PRELID2: variants seen among roughly 807,000 people sequenced by gnomAD.
The protein encoded by PRELID2 is PRELI domain containing 2.
A neutral mutation model predicts 28.4 loss-of-function variants in PRELID2; 25 were observed. The observed-to-expected ratio is 0.88, with a 90% CI of 0.64 to 1.23. The LOEUF (loss-of-function observed/expected upper bound fraction) is 1.23, where lower values mean the gene tolerates loss of function less well. PRELID2 is among the 50% of genes most tolerant of loss of function. The pLI, the probability that PRELID2 is intolerant of heterozygous loss-of-function variation, is 0.00. For synonymous variants in PRELID2, 76 were observed against 71.6 expected (o/e 1.06, Z -0.31); for missense variants, 201 against 214.4 (o/e 0.94, Z 0.39).
chr5:145,509,780 G>C (rs558291017), intron 1 of PRELID2, among the ~76,000 whole-genome samples: 1 of 152,246 alleles, frequency 6.6e-6, no homozygotes, highest in South Asian at 2.1e-4. Flanking sequence ...TTGAGGAAAT[G>C]GTTGCTCTGA....
the PRELID2 span, among the ~76,000 whole-genome samples, chr5:145,441,801 C>G: frequency 2.6e-4 from 40 of 152,082 alleles, no homozygotes; most frequent in Non-Finnish European, 4.4e-4. Context: ...TCAGATGTTA[C>G]TGCTAGAACC....
the PRELID2 span, among the ~76,000 whole-genome samples, chr5:145,292,977 T>A: frequency 6.6e-6 from 1 of 152,150 alleles, no homozygotes; most frequent in African/African-American, 2.4e-5. Flanking sequence ...TGCCTCAACC[T>A]TCTAAAGTGC....
the PRELID2 span, among the ~76,000 whole-genome samples, chr5:145,280,685 A>C: frequency 6.6e-6 from 1 of 151,754 alleles, no homozygotes; most frequent in African/African-American, 2.4e-5. Context: ...ATAAAGAGAA[A>C]TGTTTGTATT....
At chr5:145,233,019 A>G in the PRELID2 span, among the ~76,000 whole-genome samples, 1 of 151,900 alleles carries the variant, frequency 6.6e-6, no homozygotes, top group African/African-American at 2.4e-5. Context: ...ATACATATAT[A>G]GATATTTATA....
chr5:145,285,713 G>T, the PRELID2 span, among the ~76,000 whole-genome samples: 1 of 152,142 alleles, frequency 6.6e-6, no homozygotes, highest in Non-Finnish European at 1.5e-5. Context: ...AGGAGGCAGA[G>T]ATTACCTCTA....
At chr5:145,439,932 A>G in the PRELID2 span, among the ~76,000 whole-genome samples, 1 of 152,072 alleles carries the variant, frequency 6.6e-6, no homozygotes, top group Admixed American at 6.6e-5. Flanking sequence ...GTTGCCTGAA[A>G]ACCTTTCTGA....
the PRELID2 span, among the ~76,000 whole-genome samples, chr5:145,397,055 A>G: frequency 1.3e-5 from 2 of 152,134 alleles, no homozygotes; most frequent in Non-Finnish European, 2.9e-5. Context: ...GTCTACTGCT[A>G]TTCTTAATAC....
At chr5:145,748,026 T>C (rs1757036808) in intron 1 of PRELID2, among the ~76,000 whole-genome samples, 2 of 152,276 alleles carry the variant, frequency 1.3e-5, no homozygotes, top group South Asian at 4.1e-4. Context: ...ATAAGAGCCA[T>C]TTATGACAAA....
At chr5:145,284,122 T>A in the PRELID2 span, among the ~76,000 whole-genome samples, 2 of 152,172 alleles carry the variant, frequency 1.3e-5, no homozygotes, top group Non-Finnish European at 2.9e-5. Flanking sequence ...ATAATAATAA[T>A]ATCTTCCTCA....
intron 1 of PRELID2, among the ~76,000 whole-genome samples, chr5:145,740,382 G>A (rs1425517296): frequency 3.9e-5 from 5 of 129,030 alleles, no homozygotes; most frequent in African/African-American, 1.1e-4. Context: ...AAAATTTATA[G>A]AACTGAAAGG....
At chr5:145,380,862 G>T in the PRELID2 span, among the ~76,000 whole-genome samples, 2 of 152,124 alleles carry the variant, frequency 1.3e-5, no homozygotes, top group Admixed American at 1.3e-4. Context: ...CTTGATAAGT[G>T]TTATATAAAT....
At chr5:145,365,415 A>G in the PRELID2 span, among the ~76,000 whole-genome samples, 38 of 148,290 alleles carry the variant, frequency 2.6e-4, no homozygotes, top group Admixed American at 1.1e-3. Context: ...CTTGTCAATT[A>G]AAAATAAAAT....
chr5:145,516,118 A>G (rs1336324545), intron 1 of PRELID2, among the ~76,000 whole-genome samples: 1 of 152,200 alleles, frequency 6.6e-6, no homozygotes, highest in East Asian at 1.9e-4. Context: ...CCTATTCAAC[A>G]TAGTATTGGA....
At chr5:145,776,370 A>G (rs1455932923) in intron 5 of PRELID2, among the ~76,000 whole-genome samples, 1 of 152,230 alleles carries the variant, frequency 6.6e-6, no homozygotes, top group Non-Finnish European at 1.5e-5. Context: ...AAGGGCACCA[A>G]AGTGCAAAAG....
At chr5:145,614,972 C>A (rs1216731462) in intron 1 of PRELID2, among the ~76,000 whole-genome samples, 1 of 152,124 alleles carries the variant, frequency 6.6e-6, no homozygotes, top group Admixed American at 6.5e-5. Flanking sequence ...GATTTTCTGT[C>A]TTGATGACCT....
At chr5:145,629,198 T>C (rs763550201) in intron 1 of PRELID2, among the ~76,000 whole-genome samples, 1 of 152,122 alleles carries the variant, frequency 6.6e-6, no homozygotes, top group Non-Finnish European at 1.5e-5. Context: ...GAGAACAGGG[T>C]TGTGACTGGG....
At chr5:145,804,762 C>T (rs537354410) in intron 4 of PRELID2, among the ~76,000 whole-genome samples, 1 of 152,258 alleles carries the variant, frequency 6.6e-6, no homozygotes, top group South Asian at 2.1e-4. Context: ...ATCCCATGTC[C>T]CTTCCCACAA....
the PRELID2 span, among the ~76,000 whole-genome samples, chr5:145,385,710 C>A: frequency 6.6e-6 from 1 of 152,088 alleles, no homozygotes; most frequent in Non-Finnish European, 1.5e-5. Flanking sequence ...TATTTCCATT[C>A]ATGGAAATTC....
chr5:145,270,194 A>T, the PRELID2 span, among the ~76,000 whole-genome samples: 1 of 152,044 alleles, frequency 6.6e-6, no homozygotes, highest in African/African-American at 2.4e-5. Context: ...CGGCTTCTTT[A>T]AAAAGTAAAC....
Sources: gnomAD v4.1 joint callset for allele counts (sites outside exome capture counted in the v4.1 genomes callset) on GRCh38, gnomAD v4.1.1 for gene constraint, MANE v1.5 for transcripts, NCBI Gene and HGNC (gene_info 2026-07-23, HGNC 2026-07-21) for gene names.